FANCC: variants seen among roughly 807,000 people sequenced by gnomAD.
FANCC encodes FA complementation group C, also known as Fanconi anemia group C protein.
FANCC carries 55 observed loss-of-function variants against 71.3 expected under a neutral mutation model. That is an observed-to-expected ratio of 0.77 (90% CI 0.62 to 0.97). The LOEUF (loss-of-function observed/expected upper bound fraction) is 0.97. Ranked by LOEUF, FANCC falls within the 50% of genes least tolerant of loss-of-function variation. The pLI, the probability that FANCC is intolerant of heterozygous loss-of-function variation, is 0.00. For missense variants in FANCC, 678 were observed against 670.9 expected (o/e 1.01, Z -0.12); for synonymous variants, 275 against 244.9 (o/e 1.12, Z -1.15).
At chr9:95,155,533 T>C (rs912408052) in intron 6 of FANCC, among the ~76,000 whole-genome samples, 2 of 152,102 alleles carry the variant, frequency 1.3e-5, no homozygotes, top group African/African-American at 4.8e-5. Flanking sequence ...TATTTACATC[T>C]TTTTTTGCAC....
At chr9:95,268,454 T>A (rs1337842785) in intron 1 of FANCC, among the ~76,000 whole-genome samples, 6 of 152,260 alleles carry the variant, frequency 3.9e-5, no homozygotes, top group Admixed American at 2.6e-4. Context: ...TTCACCTGTA[T>A]TCCTTCATCA....
At chr9:95,272,948 G>C (rs1307019803) in intron 1 of FANCC, among the ~76,000 whole-genome samples, 1 of 152,080 alleles carries the variant, frequency 6.6e-6, no homozygotes, top group Non-Finnish European at 1.5e-5. Flanking sequence ...AAAGGTGTGG[G>C]GGTAGGGGTA....
rs200437201 is a variant in FANCC, at chr9:95,146,053, A to AT, written c.686+3869dup. ...TCAGGATAATTTAATTCCTGACTAG[A>AT]TATGTGATGATGATAAGGAACTAAT... On this transcript the variant is annotated intron_variant, in intron 7 of 14. Coordinates refer to ENST00000289081, the MANE Select transcript of FANCC (RefSeq NM_000136.3). 1.4e-4 allele frequency among the ~76,000 whole-genome samples: 21 copies of AT among 152,216 alleles called. No individual in the cohort carries two copies. In the East Asian group the frequency reaches 2.9e-3, roughly 21 times the overall value.
Position 95,107,191 on chromosome 9 carries a change from C to T in FANCC, c.1408G>A (p.Val470Ile), listed in dbSNP as rs1410714236. ...SSLSAQDLQT[V>I]AGQGTDTDLR... ...TCTGTGTCTGTGCCCTGTCCTGCTA[C>T]CGTCTGCAGGTCCTGGGCTGAGAGG... The change falls in exon 14 of 15, where the codon GTA (valine) becomes ATA (isoleucine). Residue 470 changes from valine to isoleucine, a missense_variant. Transcript: ENST00000289081. 6.2e-7 allele frequency: 1 copy of T among 1,614,076 alleles called. No homozygotes were observed. Among genetic ancestry groups the T allele is most frequent in the Non-Finnish European group, 8.5e-7 (1 of 1,180,034 alleles).
intron 11 of FANCC, among the ~76,000 whole-genome samples, chr9:95,115,618 G>T (rs1482883866): frequency 6.6e-6 from 1 of 152,190 alleles, no homozygotes; most frequent in Admixed American, 6.5e-5. Flanking sequence ...GCACGTATCT[G>T]CAGTTCTGTG....
chr9:95,131,530 G>GC (rs1826913362), intron 8 of FANCC, among the ~76,000 whole-genome samples: 2 of 152,168 alleles, frequency 1.3e-5, no homozygotes, highest in African/African-American at 2.4e-5. Context: ...AGGATCTGGT[G>GC]CCCCCCTGAG....
At chr9:95,181,159 T>TGTGTG (rs1826335023) in intron 4 of FANCC, among the ~76,000 whole-genome samples, 1 of 148,344 alleles carries the variant, frequency 6.7e-6, no homozygotes, top group African/African-American at 2.5e-5. Flanking sequence ...CACGTACACA[T>TGTGTG]TGTGTGTGTG....
chr9:95,174,543 T>TA (rs1564723090), intron 4 of FANCC, among the ~76,000 whole-genome samples: 98 of 151,238 alleles, frequency 6.5e-4, no homozygotes, highest in South Asian at 1.0e-3. Flanking sequence ...ATATATATAT[T>TA]TTTTTTCTTC....
intron 1 of FANCC, among the ~76,000 whole-genome samples, chr9:95,307,081 C>T (rs1239432532): frequency 6.6e-6 from 1 of 152,090 alleles, no homozygotes; most frequent in East Asian, 1.9e-4. Flanking sequence ...GACAAGGTTT[C>T]GCCATGTTGC....
At chr9:95,234,185 A>G (rs1274921871) in intron 4 of FANCC, among the ~76,000 whole-genome samples, 1 of 152,268 alleles carries the variant, frequency 6.6e-6, no homozygotes, top group Non-Finnish European at 1.5e-5. Flanking sequence ...GCCTCATTAA[A>G]AGGTTATGCT....
chr9:95,284,877 TAC>T (rs71366285), intron 1 of FANCC, among the ~76,000 whole-genome samples: 12,270 of 147,508 alleles, frequency 0.083, 900 homozygotes, highest in African/African-American at 0.2. Context: ...CACACACACA[TAC>T]ACACACACAC....
intron 4 of FANCC, among the ~76,000 whole-genome samples, chr9:95,220,448 G>T (rs1829167413): frequency 6.6e-6 from 1 of 152,160 alleles, no homozygotes; most frequent in Non-Finnish European, 1.5e-5. Flanking sequence ...ATTCACAATA[G>T]CAAAGACTTG....
At chr9:95,130,212 T>G (rs186382805) in intron 8 of FANCC, among the ~76,000 whole-genome samples, 1 of 152,130 alleles carries the variant, frequency 6.6e-6, no homozygotes, top group African/African-American at 2.4e-5. Context: ...ACTTGCCACT[T>G]GAAAGAGGCC....
In FANCC at chr9:95,288,707, C is replaced by G. The variant is rs180823325; in HGVS notation, c.-79+28819G>C. ...GTTTGTTGATAATCTGAATCCAGTG[C>G]TTCTATTTGATCACACATAGGGCAT... On this transcript the variant is annotated intron_variant, in intron 1 of 14. Coordinates refer to ENST00000289081, the MANE Select transcript of FANCC (RefSeq NM_000136.3). Among the ~76,000 whole-genome samples the G allele has an allele frequency of 1.4e-3, 218 of 150,826 alleles. 1 individual carries two copies. The highest frequency in any genetic ancestry group is 4.8e-3 in the African/African-American group (196 of 41,138).
intron 2 of FANCC, 85 bp from the exon 3 acceptor site, chr9:95,247,601 G>T: frequency 1.2e-6 from 1 of 865,602 alleles, no homozygotes; most frequent in South Asian, 1.3e-5. Flanking sequence ...GAGGGAACGT[G>T]AATGCTTCTT....
At chr9:95,187,265 G>A (rs920108810) in intron 4 of FANCC, among the ~76,000 whole-genome samples, 2 of 152,162 alleles carry the variant, frequency 1.3e-5, no homozygotes, top group African/African-American at 4.8e-5. Flanking sequence ...GGATGAGCAT[G>A]GAGTATAATC....
At chr9:95,135,049 A>G (rs1473515619) in intron 8 of FANCC, among the ~76,000 whole-genome samples, 2 of 152,140 alleles carry the variant, frequency 1.3e-5, no homozygotes, top group Non-Finnish European at 2.9e-5. Flanking sequence ...CTTATTTTCC[A>G]TGCTGAAATA....
In FANCC at chr9:95,196,601, T is replaced by C. The variant is rs1041523617; in HGVS notation, c.346-24454A>G. The stretch of plus-strand genomic sequence containing the variant: ...AATAATTTGAGATACCAAGATAATA[T>C]TGTCGTCCTCCAAAGAGGCTTCTGT... On this transcript the variant is annotated intron_variant, in intron 4 of 14. Transcript: ENST00000289081. 7.2e-5 allele frequency among the ~76,000 whole-genome samples: 11 copies of C among 152,318 alleles called. No individual in the cohort carries two copies. In the South Asian group the frequency reaches 1.2e-3, roughly 17 times the overall value.
chr9:95,242,599 T>C (rs1830703062), intron 3 of FANCC, among the ~76,000 whole-genome samples: 1 of 151,870 alleles, frequency 6.6e-6, no homozygotes, highest in African/African-American at 2.4e-5. Flanking sequence ...GCAAACTTAG[T>C]TCAAAAGGTA....
Sources: allele counts gnomAD v4.1 joint callset (sites outside exome capture counted in the v4.1 genomes callset), GRCh38; gene constraint gnomAD v4.1.1; transcripts MANE v1.5; gene names NCBI Gene and HGNC (gene_info 2026-07-23, HGNC 2026-07-21).